Variants in ETV7 observed in about 807,000 individuals in gnomAD.
ETV7 encodes the protein transcription factor ETV7.
In ETV7, 43 loss-of-function variants were observed where a neutral mutation model predicts 39.1. That is an observed-to-expected ratio of 1.10 (90% CI 0.86 to 1.42). ETV7 has a LOEUF of 1.42. Ranked by LOEUF, ETV7 falls within the 40% of genes most tolerant of loss-of-function variation. ETV7 has a pLI of 0.00. For synonymous variants in ETV7, 196 were observed against 176.6 expected (o/e 1.11, Z -0.87); for missense variants, 432 against 442.3 (o/e 0.98, Z 0.21).
At chr6:36,365,093 G>A (rs987109309), downstream of ETV7, among the ~76,000 whole-genome samples, 3 of 152,168 alleles carry the variant, frequency 2.0e-5, no homozygotes, top group Admixed American at 6.5e-5. Flanking sequence ...TTTCCTGACC[G>A]GCTGGGGGCA....
intron 7 of ETV7, among the ~76,000 whole-genome samples, chr6:36,356,937 G>C (rs980613555): frequency 6.6e-6 from 1 of 152,216 alleles, no homozygotes; most frequent in Non-Finnish European, 1.5e-5. Flanking sequence ...ATCATCACAG[G>C]TTAATTCATC....
downstream of ETV7, among the ~76,000 whole-genome samples, chr6:36,363,608 A>T (rs1772607227): frequency 6.6e-6 from 1 of 152,228 alleles, no homozygotes; most frequent in African/African-American, 2.4e-5. Flanking sequence ...GTCAAAGGGG[A>T]CCAGAACGGG....
At chr6:36,363,289 G>T (rs558910630), downstream of ETV7, among the ~76,000 whole-genome samples, 1 of 132,684 alleles carries the variant, frequency 7.5e-6, no homozygotes, top group African/African-American at 3.2e-5. Context: ...TGGTGGGTTC[G>T]TGGTCTCGCT....
exon 8 of ETV7, chr6:36,354,199 T>G (rs62403703): frequency 2.1e-4 from 2 of 9,328 alleles, no homozygotes; most frequent in Non-Finnish European, 3.3e-4. Context: ...ATCCTATGGG[T>G]TTTTTTTTTT....
chr6:36,368,023 T>C (rs1772816484), intron 6 of ETV7, among the ~76,000 whole-genome samples: 1 of 152,180 alleles, frequency 6.6e-6, no homozygotes, highest in African/African-American at 2.4e-5. Context: ...CCTCCCGAAC[T>C]TTAGTCATCT....
downstream of ETV7, among the ~76,000 whole-genome samples, chr6:36,364,266 C>T (rs1041077903): frequency 7.9e-5 from 12 of 152,200 alleles, no homozygotes; most frequent in African/African-American, 1.2e-4. Flanking sequence ...TGGGACTGGG[C>T]GCTGTGGAGC....
intron 1 of ETV7, among the ~76,000 whole-genome samples, 200 bp downstream of exon 1, chr6:36,387,336 C>T (rs1405280083): frequency 2.0e-5 from 3 of 152,070 alleles, no homozygotes; most frequent in Non-Finnish European, 4.4e-5. Context: ...CCGAGAGAGT[C>T]AGGGGCGGTG....
downstream of ETV7, among the ~76,000 whole-genome samples, chr6:36,363,385 G>A (rs1272493159): frequency 6.6e-6 from 1 of 152,096 alleles, no homozygotes; most frequent in African/African-American, 2.4e-5. Context: ...CCTCCCCGTG[G>A]GCTCATGGGC....
At chr6:36,361,854 A>G (rs1181117830), downstream of ETV7, among the ~76,000 whole-genome samples, 1 of 152,240 alleles carries the variant, frequency 6.6e-6, no homozygotes, top group African/African-American at 2.4e-5. Flanking sequence ...ATGAGAATGT[A>G]TCTCCTGCTT....
At chr6:36,386,280 A>G (rs1773893575) in intron 1 of ETV7, among the ~76,000 whole-genome samples, 1 of 152,202 alleles carries the variant, frequency 6.6e-6, no homozygotes, top group African/African-American at 2.4e-5. Context: ...GTGAGCCAAG[A>G]TCACGCCACT....
chr6:36,375,740 C>T, intron 3 of ETV7, 131 bp downstream of exon 3: 1 of 1,432,826 alleles, frequency 7.0e-7, no homozygotes, highest in Non-Finnish European at 9.6e-7. Context: ...GGGGCATCTG[C>T]AGTGCTGGAA....
chr6:36,375,298 G>C (rs528462305), intron 3 of ETV7, among the ~76,000 whole-genome samples: 3 of 152,084 alleles, frequency 2.0e-5, no homozygotes, highest in Admixed American at 6.5e-5. Flanking sequence ...ACTCAGATGC[G>C]ATTCTAGAGG....
In ETV7 at chr6:36,369,543, C is replaced by T. The variant is rs189334597; in HGVS notation, c.665-472G>A. 1.4e-3 allele frequency among the ~76,000 whole-genome samples: 212 copies of T among 152,290 alleles called. 1 individual carries two copies. Among genetic ancestry groups the T allele is most frequent in the Non-Finnish European group, 2.3e-3 (155 of 68,024 alleles). ...CTTCAAGCTCCCTAATGGTGAGGCTCAGGAAAACCAGGCATGCCATTGGGA... is the reference window on the plus strand; with the variant it reads ...CTTCAAGCTCCCTAATGGTGAGGCTTAGGAAAACCAGGCATGCCATTGGGA... On this transcript the variant is annotated intron_variant, in intron 5 of 7. Transcript: ENST00000340181.
chr6:36,387,453 T>G, intron 1 of ETV7, 83 bp downstream of exon 1: 1 of 1,581,568 alleles, frequency 6.3e-7, no homozygotes, highest in African/African-American at 1.3e-5. Context: ...ATAAAATAGG[T>G]TTGGAAATCT....
chr6:36,379,822 G>A (rs1453338724), intron 2 of ETV7, among the ~76,000 whole-genome samples: 1 of 151,078 alleles, frequency 6.6e-6, no homozygotes, highest in Non-Finnish European at 1.5e-5. Flanking sequence ...GTTGCAGTGA[G>A]CTGAGATCAA....
chr6:36,362,390 G>A (rs914823307), downstream of ETV7, among the ~76,000 whole-genome samples: 1 of 152,134 alleles, frequency 6.6e-6, no homozygotes, highest in Non-Finnish European at 1.5e-5. Flanking sequence ...TTGAACCCAG[G>A]AAGCAGAGGT....
chr6:36,363,166 C>T (rs894830350), downstream of ETV7, among the ~76,000 whole-genome samples: 3 of 152,254 alleles, frequency 2.0e-5, no homozygotes, highest in African/African-American at 4.8e-5. Context: ...CTTGGTCTCA[C>T]TGACTTCAAG....
rs1426774374 is a variant in ETV7, at chr6:36,360,330, A to G, written c.909-5643T>C. Among the ~76,000 whole-genome samples, 5 of 152,348 alleles carry G rather than the reference A, an allele frequency of 3.3e-5. 1 individual carries two copies. Among genetic ancestry groups the G allele is most frequent in the Middle Eastern group, 6.8e-3 (2 of 294 alleles). ...CAAACTACTCAAGGATAAAGTGATCATAAGAAGAGGAGATAAGAAGTTATT... is the reference window on the plus strand; with the variant it reads ...CAAACTACTCAAGGATAAAGTGATCGTAAGAAGAGGAGATAAGAAGTTATT... On this transcript the variant is annotated intron_variant, in intron 7 of 7. Transcript: ENST00000339796.
chr6:36,367,208 C>T (rs1326914449), intron 6 of ETV7, among the ~76,000 whole-genome samples: 3 of 152,078 alleles, frequency 2.0e-5, no homozygotes, highest in Non-Finnish European at 1.5e-5. Context: ...TTTGGGAGGC[C>T]TAGGTGGGCA....
Sources: gnomAD v4.1 joint callset for allele counts (sites outside exome capture counted in the v4.1 genomes callset) on GRCh38, gnomAD v4.1.1 for gene constraint, MANE v1.5 for transcripts, NCBI Gene and HGNC (gene_info 2026-07-23, HGNC 2026-07-21) for gene names.